The following RPS10 variants were observed in gnomAD, a reference collection of about 807,000 sequenced individuals.
RPS10 encodes the protein small ribosomal subunit protein eS10.
Under a neutral mutation model 22.6 loss-of-function variants are expected in RPS10, and 2 were observed. That is an observed-to-expected ratio of 0.09 (90% CI 0.04 to 0.28). The LOEUF is 0.28. RPS10 is among the 10% of genes least tolerant of loss of function. The pLI, the probability that RPS10 is intolerant of heterozygous loss-of-function variation, is 1.00. For missense variants in RPS10, 137 were observed against 222.2 expected, an observed-to-expected ratio of 0.62 and a Z score of 2.44; for synonymous variants, 70 against 75.9, an observed-to-expected ratio of 0.92 and a Z score of 0.40.
chr6:34,419,087 C>T (rs952137302), intron 4 of RPS10, among the ~76,000 whole-genome samples: 30 of 151,968 alleles, frequency 2.0e-4, no homozygotes, highest in African/African-American at 7.3e-4. Context: ...GGCGCGATCT[C>T]GGCTCACTGC....
chr6:34,417,739 C>T, intron 5 of RPS10, 192 bp from the exon 6 acceptor site: 1 of 723,302 alleles, frequency 1.4e-6, no homozygotes, highest in Non-Finnish European at 2.6e-6. Context: ...CATCTAGGCC[C>T]ATTTCTTCAT....
chr6:34,425,234 G>A lies in RPS10; in HGVS notation c.1-13C>T, dbSNP rs773555603. 3.1e-6 allele frequency: 5 copies of A among 1,600,692 alleles called. No individual in the cohort carries two copies. In the African/African-American group the frequency reaches 4.0e-5, roughly 13 times the overall value. On this transcript the variant is annotated splice_polypyrimidine_tract_variant and intron_variant, in intron 1 of 5. Transcript: ENST00000648437. ...TAGGCATCAACATCTGCAAGAAGGA[G>A]ACGATTGTCAAGAGCACTTCTGAGT...
chr6:34,419,903 G>T (rs980708692), intron 4 of RPS10, among the ~76,000 whole-genome samples: 1 of 152,150 alleles, frequency 6.6e-6, no homozygotes, highest in South Asian at 2.1e-4. Flanking sequence ...TGGTGCGGGG[G>T]GCAGGGTCTC....
chr6:34,417,644 C>T (rs2113794136), intron 5 of RPS10, 97 bp from the exon 6 acceptor site: 2 of 1,184,358 alleles, frequency 1.7e-6, no homozygotes, highest in South Asian at 1.3e-5. Context: ...CTCCAGAGGC[C>T]CCCAAATGTA....
chr6:34,419,383 G>T (rs1765686281), intron 4 of RPS10, among the ~76,000 whole-genome samples: 1 of 151,254 alleles, frequency 6.6e-6, no homozygotes, highest in Admixed American at 6.6e-5. Context: ...GGCTGGTCTA[G>T]AACTCCTGAG....
At chr6:34,425,826 TCCTC>T (rs1262953003) in intron 1 of RPS10, 1 of 158,152 alleles carries the variant, frequency 6.3e-6, no homozygotes, top group Non-Finnish European at 1.4e-5. Context: ...ACTGGCTTCA[TCCTC>T]CCCCTCTCCC....
Position 34,421,778 on chromosome 6 carries a change from T to A in RPS10, c.352A>T (p.Thr118Ser), listed in dbSNP as rs1269824016. The A allele has an allele frequency of 1.2e-6, 2 of 1,613,964 alleles. No individual in the cohort carries two copies. The highest frequency in any genetic ancestry group is 1.7e-6 in the Non-Finnish European group (2 of 1,179,868). ...GLEGERPARL[T>S]RGEADRDTYR... ...GTATCTCTGTCAGCTTCCCCTCTTGTGAGTCTCGCAGGTCGCTCACCCTCC... is the reference window on the plus strand; with the variant it reads ...GTATCTCTGTCAGCTTCCCCTCTTGAGAGTCTCGCAGGTCGCTCACCCTCC... Residue 118 changes from threonine to serine, a missense_variant, in exon 4 of 6, where the codon ACA becomes TCA. Physicochemically the swap from Thr to Ser is moderately conservative, Grantham distance 58. Coordinates refer to ENST00000648437, the MANE Select transcript of RPS10 (RefSeq NM_001014.5).
intron 3 of RPS10, among the ~76,000 whole-genome samples, chr6:34,422,582 T>G (rs1253360093): frequency 6.6e-6 from 1 of 152,108 alleles, no homozygotes; most frequent in East Asian, 1.9e-4. Context: ...TCCAAAGTGA[T>G]GGGATTATAG....
intron 3 of RPS10, among the ~76,000 whole-genome samples, chr6:34,423,386 C>T (rs2113802847): frequency 6.6e-6 from 1 of 152,250 alleles, no homozygotes; most frequent in South Asian, 2.1e-4. Flanking sequence ...CCTGCCTTGG[C>T]CTCCTAAAGT....
chr6:34,418,071 C>T (rs766200366), intron 5 of RPS10: 56 of 973,792 alleles, frequency 5.8e-5, no homozygotes, highest in Non-Finnish European at 8.1e-5. Context: ...TTCATACCAT[C>T]TTGGTTCTTA....
chr6:34,425,702 A>T, intron 1 of RPS10: 1 of 180,320 alleles, frequency 5.5e-6, no homozygotes, highest in Non-Finnish European at 1.2e-5. Flanking sequence ...TTCTCCCCCA[A>T]ACTAGAGCTC....
chr6:34,424,535 C>T (rs1765886310), intron 3 of RPS10, 134 bp downstream of exon 3: 2 of 1,240,790 alleles, frequency 1.6e-6, no homozygotes, highest in African/African-American at 1.5e-5. Context: ...AGCCATGGGA[C>T]AAAGGTTCTA....
chr6:34,419,038 G>A (rs889410966), intron 4 of RPS10, among the ~76,000 whole-genome samples: 1 of 152,068 alleles, frequency 6.6e-6, no homozygotes, highest in African/African-American at 2.4e-5. Context: ...GTTCGTTTGA[G>A]ACTGAATTTC....
chr6:34,423,775 G>C (rs927612878), intron 3 of RPS10, among the ~76,000 whole-genome samples: 4 of 151,994 alleles, frequency 2.6e-5, no homozygotes, highest in Non-Finnish European at 5.9e-5. Context: ...TCCCAGTCTC[G>C]GGAGGCTGAG....
In RPS10 at chr6:34,421,718, G is replaced by A; in HGVS notation, c.400+12C>T. ...CCCCAACACCCCTAATATAGGTGAT[G>A]CATTTACTCACGTGGCACAGCACTC... On this transcript the variant is annotated intron_variant, in intron 4 of 5. Coordinates refer to ENST00000648437, the MANE Select transcript of RPS10 (RefSeq NM_001014.5). 1.9e-6 allele frequency: 3 copies of A among 1,613,516 alleles called. No individual in the cohort carries two copies. Among genetic ancestry groups the A allele is most frequent in the African/African-American group, 1.3e-5 (1 of 75,032 alleles).
At position 34,424,700 on chromosome 6, in the gene RPS10, G is replaced by A. The variant is rs145746888; in HGVS notation, c.291C>T (p.Ser97=). 13 of 1,614,072 alleles carry A rather than the reference G, an allele frequency of 8.1e-6. No homozygotes were observed. The African/African-American group carries it at 1.3e-4, about 17-fold the overall frequency. The change falls in exon 3 of 6, where the codon AGC becomes AGT. Residue 97 remains serine, a synonymous_variant. Transcript: ENST00000648437. ...PEIVPATLRR[S]RPETGRPRPK... ...GCCGAGGCCTGCCAGTCTCTGGACG[G>A]CTACGGCGTAGGGTGGCAGGCACAA...
intron 5 of RPS10, 64 bp downstream of exon 5, chr6:34,418,305 A>T (rs1233278561): frequency 6.2e-7 from 1 of 1,613,096 alleles, no homozygotes; most frequent in African/African-American, 1.3e-5. Flanking sequence ...CACAACTTGC[A>T]GAGCAACCAG....
chr6:34,421,119 G>C (rs1311459640), intron 4 of RPS10, among the ~76,000 whole-genome samples: 1 of 140,794 alleles, frequency 7.1e-6, no homozygotes, highest in Non-Finnish European at 1.5e-5. Flanking sequence ...TTTTGAGACA[G>C]TCTTGCTCTG....
At chr6:34,419,743 A>T (rs1765700205) in intron 4 of RPS10, among the ~76,000 whole-genome samples, 1 of 151,504 alleles carries the variant, frequency 6.6e-6, no homozygotes, top group Admixed American at 6.6e-5. Context: ...CGCTTGGCTA[A>T]TTTTTTGTAT....
Sources: allele counts gnomAD v4.1 joint callset (sites outside exome capture counted in the v4.1 genomes callset), GRCh38; gene constraint gnomAD v4.1.1; transcripts MANE v1.5; gene names NCBI Gene and HGNC (gene_info 2026-07-23, HGNC 2026-07-21).